The following GTF3C2 variants were observed in gnomAD, a reference collection of about 807,000 sequenced individuals.
The protein encoded by GTF3C2 is general transcription factor IIIC subunit 2.
Under a neutral mutation model 117.4 loss-of-function variants are expected in GTF3C2, and 17 were observed. The observed-to-expected ratio is 0.14, with a 90% confidence interval of 0.10 to 0.22. GTF3C2 has a LOEUF of 0.22. Among genes scored for constraint, GTF3C2 ranks in the 10% least tolerant of loss-of-function variants. The probability of loss-of-function intolerance (pLI) is 1.00; values close to 1 mark genes in which losing one functional copy is unlikely to be tolerated. For synonymous variants in GTF3C2, 437 were observed against 427.0 expected (o/e 1.02, Z -0.29); for missense variants, 888 against 1,143.6 (o/e 0.78, Z 3.22).
At chr2:27,353,780 T>G (rs925909157) in intron 1 of GTF3C2, among the ~76,000 whole-genome samples, 3 of 152,138 alleles carry the variant, frequency 2.0e-5, no homozygotes, top group African/African-American at 7.2e-5. Context: ...AATGCAGTAG[T>G]GCGATGATCA....
At chr2:27,342,261 T>C (rs1352596684) in intron 3 of GTF3C2, 28 bp from the exon 4 acceptor site, 1 of 1,577,344 alleles carries the variant, frequency 6.3e-7, no homozygotes. Context: ...GTCAGAGCCA[T>C]TCTCACATAT....
chr2:27,352,855 C>G (rs1354640150), intron 1 of GTF3C2, among the ~76,000 whole-genome samples: 1 of 152,128 alleles, frequency 6.6e-6, no homozygotes, highest in Non-Finnish European at 1.5e-5. Flanking sequence ...TCAGCAGCTC[C>G]AACACTACTT....
At position 27,333,953 on chromosome 2, in the gene GTF3C2, G is replaced by A; in HGVS notation, c.1602+21C>T. ...TCTAAGAAGATGGAGCCTCAGCTAA[G>A]GTAGCAGGTTCCTCACTCACCTTAT... On this transcript the variant is annotated intron_variant, in intron 11 of 18. Coordinates refer to ENST00000264720, the Ensembl canonical transcript of GTF3C2. 1.9e-6 allele frequency: 3 copies of A among 1,591,240 alleles called. No individual in the cohort carries two copies. In the South Asian group the frequency reaches 3.3e-5, roughly 18 times the overall value.
At chr2:27,327,215 G>C in exon 18 of GTF3C2, 1 of 1,608,786 alleles carries the variant, frequency 6.2e-7, no homozygotes, top group Non-Finnish European at 8.5e-7. Context: ...TCCAGGCAGA[G>C]TTGAGAATGC....
At chr2:27,333,158 CTT>C (rs1199330474) in intron 12 of GTF3C2, among the ~76,000 whole-genome samples, 15 of 130,162 alleles carry the variant, frequency 1.2e-4, no homozygotes, top group African/African-American at 1.5e-4. Flanking sequence ...GGCATCTACT[CTT>C]TTTTTTTTTT....
chr2:27,347,841 G>A (rs151084611), intron 1 of GTF3C2, among the ~76,000 whole-genome samples: 60 of 152,232 alleles, frequency 3.9e-4, no homozygotes, highest in African/African-American at 1.3e-3. Flanking sequence ...ATTATAAAAG[G>A]GTGAGTTTAG....
Position 27,326,920 on chromosome 2 carries a change from G to A in GTF3C2, c.2518-27C>T, listed in dbSNP as rs1442824813. On this transcript the variant is annotated intron_variant, in intron 18 of 18. Transcript: ENST00000264720. ...TGTGAAGAGAACAGAAAACAAGAGA[G>A]AGATGCTCATGGGTGGTGCTTTAGG... 4 of 1,468,916 alleles carry A rather than the reference G, an allele frequency of 2.7e-6. No homozygotes were observed. In the South Asian group the frequency reaches 4.5e-5, roughly 17 times the overall value. The allele number at this position is 1,468,916 out of a possible 1,614,324, so 91.0% of individuals were successfully genotyped here. A position where few individuals can be genotyped will look rare whatever the true frequency, so the allele number is the denominator to read the frequency against.
chr2:27,346,888 G>A (rs1680936388), intron 1 of GTF3C2, among the ~76,000 whole-genome samples: 1 of 151,750 alleles, frequency 6.6e-6, no homozygotes, highest in African/African-American at 2.4e-5. Context: ...TGCAGATTGG[G>A]TCTTGCTATT....
intron 1 of GTF3C2, among the ~76,000 whole-genome samples, chr2:27,349,293 G>A (rs1352724471): frequency 6.7e-5 from 10 of 150,234 alleles, no homozygotes; most frequent in Non-Finnish European, 1.3e-4. Context: ...GACTACAGGC[G>A]CCCGCCATCA....
At chr2:27,335,736 C>T in intron 9 of GTF3C2, 30 bp from the exon 10 acceptor site, 1 of 1,398,216 alleles carries the variant, frequency 7.2e-7, no homozygotes, top group Non-Finnish European at 9.9e-7. Context: ...CTGAGGCTTG[C>T]TGCCTTCAGC....
chr2:27,356,305 T>C (rs73921514), intron 1 of GTF3C2: 16,840 of 373,868 alleles, frequency 0.045, 494 homozygotes, highest in African/African-American at 0.085. Flanking sequence ...CTGAAAGAGA[T>C]TGACCCACAA....
chr2:27,351,995 C>T (rs936698708), intron 1 of GTF3C2, among the ~76,000 whole-genome samples: 16 of 152,198 alleles, frequency 1.1e-4, no homozygotes, highest in African/African-American at 3.6e-4. Flanking sequence ...CCTCCAAAAT[C>T]ACTAAGACAT....
chr2:27,335,280 C>G (rs1680418543), intron 10 of GTF3C2: 3 of 518,300 alleles, frequency 5.8e-6, no homozygotes, highest in South Asian at 4.6e-5. Context: ...GAGATGGGCC[C>G]TATCTATCAG....
intron 1 of GTF3C2, among the ~76,000 whole-genome samples, chr2:27,349,998 AG>A (rs1681070340): frequency 6.6e-6 from 1 of 152,240 alleles, no homozygotes; most frequent in Admixed American, 6.5e-5. Flanking sequence ...TATAAATGTC[AG>A]GAACATTTAA....
chr2:27,335,488 G>C (rs1466073493), intron 10 of GTF3C2, 110 bp downstream of exon 10: 1 of 725,028 alleles, frequency 1.4e-6, no homozygotes, highest in Non-Finnish European at 2.5e-6. Flanking sequence ...GCTGAGTAAG[G>C]CTTTGTGCTA....
chr2:27,332,982 G>T (rs904171434), intron 12 of GTF3C2, among the ~76,000 whole-genome samples: 1 of 151,620 alleles, frequency 6.6e-6, no homozygotes, highest in East Asian at 1.9e-4. Flanking sequence ...CCAAAGTGCT[G>T]GGATTACAGG....
intron 1 of GTF3C2, among the ~76,000 whole-genome samples, chr2:27,353,203 G>A (rs982115586): frequency 9.2e-5 from 14 of 152,140 alleles, no homozygotes; most frequent in African/African-American, 3.4e-4. Context: ...GACCATCCTG[G>A]CCAACATGGT....
chr2:27,328,964 TTTC>T lies in GTF3C2; in HGVS notation c.2040-36_2040-34del, dbSNP rs765030777. 1.8e-5 allele frequency: 27 copies of T among 1,507,950 alleles called. No homozygotes were observed. In the Admixed American group the frequency reaches 4.4e-4, roughly 25 times the overall value. 93.4% of individuals were successfully genotyped at this position (1,507,950 alleles called of 1,614,324 possible). A position where few individuals can be genotyped will look rare whatever the true frequency, so the allele number is the denominator to read the frequency against. On this transcript the variant is annotated intron_variant, in intron 14 of 18. Transcript: ENST00000264720. ...AAGAGAAATAAATTTAAACCTTCCTTTTCTTTAGATTCATTTCTTCTTCTTAAC... is the reference window on the plus strand; with the variant it reads ...AAGAGAAATAAATTTAAACCTTCCTTTTTAGATTCATTTCTTCTTCTTAAC...
intron 1 of GTF3C2, among the ~76,000 whole-genome samples, chr2:27,345,848 G>T (rs1177485602): frequency 6.6e-6 from 1 of 150,568 alleles, no homozygotes; most frequent in Non-Finnish European, 1.5e-5. Flanking sequence ...CGAGTAGCTG[G>T]GACAACAGGT....
Sources: gnomAD v4.1 joint callset for allele counts (sites outside exome capture counted in the v4.1 genomes callset) on GRCh38, gnomAD v4.1.1 for gene constraint, MANE v1.5 for transcripts, NCBI Gene and HGNC (gene_info 2026-07-23, HGNC 2026-07-21) for gene names.